Variants in SMG1 observed in about 807,000 individuals in gnomAD.
SMG1 encodes the protein SMG1 nonsense mediated mRNA decay associated PI3K related kinase.
In SMG1, 22 loss-of-function variants were observed where a neutral mutation model predicts 419.9. The ratio of observed to expected loss-of-function variants is 0.05; its 90% CI spans 0.04 to 0.07. The LOEUF (loss-of-function observed/expected upper bound fraction) is 0.07. Among genes scored for constraint, SMG1 ranks in the 10% least tolerant of loss-of-function variants. The probability of loss-of-function intolerance (pLI) is 1.00; values close to 1 mark genes in which losing one functional copy is unlikely to be tolerated. For missense variants in SMG1, 3,185 were observed against 4,342.0 expected (o/e 0.73, Z 7.49); for synonymous variants, 1,538 against 1,553.5 (o/e 0.99, Z 0.23).
chr16:18,872,093 A>G, intron 15 of SMG1, 91 bp downstream of exon 15: 1 of 779,360 alleles, frequency 1.3e-6, no homozygotes, highest in Non-Finnish European at 1.9e-6. Flanking sequence ...CACATTTTTA[A>G]AAATTTTTTG....
rs1217438305 is a variant in SMG1, at chr16:18,805,625, G to GA, written c.*3943dup. 9.9e-5 allele frequency: 15 copies of GA among 152,104 alleles called. No individual in the cohort carries two copies. The highest frequency in any genetic ancestry group is 2.6e-4 in the Admixed American group (4 of 15,278). The allele number at this position is 152,104 out of a possible 1,614,324, so 9.4% of individuals were successfully genotyped here. A position where few individuals can be genotyped will look rare whatever the true frequency, so the allele number is the denominator to read the frequency against. On this transcript the variant is annotated 3_prime_UTR_variant, in exon 63 of 63. Coordinates refer to ENST00000446231, the MANE Select transcript of SMG1 (RefSeq NM_015092.5). ...TGAATTTTCCCCTCCCCAACGTTTG[G>GA]AAAAAATTGGGACACTTGCTAGTTC...
intron 46 of SMG1, 72 bp from the exon 47 acceptor site, chr16:18,836,604 ATGTG>A: frequency 1.3e-6 from 2 of 1,509,706 alleles, no homozygotes; most frequent in South Asian, 2.4e-5. Flanking sequence ...CTACCCTGGA[ATGTG>A]CTCACACATG....
intron 25 of SMG1, chr16:18,861,511 C>A (rs1273042672): frequency 6.6e-6 from 1 of 151,992 alleles, no homozygotes; most frequent in Non-Finnish European, 1.5e-5. Context: ...CTTTGCCTGT[C>A]CCTCTCGCTG....
intron 1 of SMG1, among the ~76,000 whole-genome samples, chr16:18,914,694 A>G (rs899207944): frequency 6.6e-6 from 1 of 152,080 alleles, no homozygotes; most frequent in African/African-American, 2.4e-5. Flanking sequence ...AAATCTGTTG[A>G]TTCTGGAATA....
In SMG1 at chr16:18,896,800, G is replaced by A. The variant is rs544381798; in HGVS notation, c.249C>T (p.Asp83=). ...DTRVHADIQN[D]EKGGYSVNGG... ...ATAAGAAAATATATATACCCTTTTCGTCATTCTGTATGTCAGCGTGGACTC... is the reference window on the plus strand; with the variant it reads ...ATAAGAAAATATATATACCCTTTTCATCATTCTGTATGTCAGCGTGGACTC... Residue 83 remains aspartate, a synonymous_variant, in exon 2 of 63, where the codon GAC becomes GAT. Coordinates refer to ENST00000446231, the MANE Select transcript of SMG1 (RefSeq NM_015092.5). 28 of 1,602,962 alleles carry A rather than the reference G, an allele frequency of 1.7e-5. No homozygotes were observed. The highest frequency in any genetic ancestry group is 4.5e-5 in the East Asian group (2 of 44,838).
In SMG1 at chr16:18,848,318, C is replaced by CTT. The variant is rs34583374; in HGVS notation, c.5624-287_5624-286dup. ...CCAGAGTTCAAAACTTGGTATAATC[C>CTT]TTTTTTTTTTTTTTTTGGAAACAGG... On this transcript the variant is annotated intron_variant, in intron 36 of 62. Transcript: ENST00000446231. 1.7e-3 allele frequency among the ~76,000 whole-genome samples: 247 copies of CTT among 142,242 alleles called. 1 individual carries two copies. Among genetic ancestry groups the CTT allele is most frequent in the African/African-American group, 5.9e-3 (227 of 38,332 alleles). 93.3% of individuals were successfully genotyped at this position (142,242 alleles called of 152,430 possible).
chr16:18,866,391 T>C (rs902347333), intron 23 of SMG1: 45 of 565,100 alleles, frequency 8.0e-5, no homozygotes, highest in Non-Finnish European at 1.2e-4. Flanking sequence ...AACTGACAGG[T>C]CTTGTTTTAC....
rs995595548 is a variant in SMG1, at chr16:18,817,488, G to C, written c.9895-18C>G. Reference sequence around the variant, plus strand: ...AATGTGACCTGTAAAGACAGAAATGGAACCACAAGAGGAGATGGGAGGAAG... The same window carrying C: ...AATGTGACCTGTAAAGACAGAAATGCAACCACAAGAGGAGATGGGAGGAAG... On this transcript the variant is annotated intron_variant, in intron 56 of 62. Coordinates refer to ENST00000446231, the MANE Select transcript of SMG1 (RefSeq NM_015092.5). The C allele has an allele frequency of 1.9e-6, 3 of 1,549,024 alleles. No homozygotes were observed. The highest frequency in any genetic ancestry group is 2.6e-6 in the Non-Finnish European group (3 of 1,144,160).
intron 8 of SMG1, among the ~76,000 whole-genome samples, chr16:18,884,500 C>A (rs558851178): frequency 6.6e-6 from 1 of 152,250 alleles, no homozygotes; most frequent in South Asian, 2.1e-4. Flanking sequence ...AATCCCAGGG[C>A]CACATCTAAC....
chr16:18,850,295 C>A lies in SMG1; in HGVS notation c.5225G>T (p.Ser1742Ile). ...TGCACTGCAAGAGAGTTTGTACAGG[C>A]TGAATATTCTATCTACAACTTTCCT... The part of the protein sequence containing the change: ...VWRKVVDRIF[S>I]LYKLSCSAYF... The change falls in exon 34 of 63, where the codon AGC (serine) becomes ATC (isoleucine). Residue 1742 changes from serine to isoleucine, a missense_variant. Ser to Ile is a moderately radical substitution (Grantham distance 142). Transcript: ENST00000446231. 6.2e-7 allele frequency: 1 copy of A among 1,613,668 alleles called. No homozygotes were observed. The highest frequency in any genetic ancestry group is 8.5e-7 in the Non-Finnish European group (1 of 1,179,708).
At chr16:18,882,387 T>C (rs370392376) in intron 9 of SMG1, 49 bp from the exon 10 acceptor site, 1 of 714,506 alleles carries the variant, frequency 1.4e-6, no homozygotes, top group Non-Finnish European at 1.9e-6. Context: ...TTGTTTTAAA[T>C]AAAAAAAAAA....
intron 54 of SMG1, 25 bp from the exon 55 acceptor site, chr16:18,828,193 T>G: frequency 6.2e-7 from 1 of 1,607,572 alleles, no homozygotes; most frequent in South Asian, 1.1e-5. Flanking sequence ...AGAAATGTAT[T>G]AAAATCAGCA....
At position 18,859,062 on chromosome 16, in the gene SMG1, G is replaced by C. The variant is rs1301976540; in HGVS notation, c.4073C>G (p.Ser1358Cys). ...GTTAGAAACTGTGTTCTCCAAAGCA[G>C]ATGAGCAATACAGCTGCAAGGTACT... is the stretch of plus-strand genomic sequence containing the variant. Reference protein sequence around the residue: ...VLSTLQLYCSSALENTVSNRL... With the variant: ...VLSTLQLYCSCALENTVSNRL... The change falls in exon 28 of 63, where the codon TCT becomes TGT. Residue 1358 changes from serine to cysteine, a missense_variant. Physicochemically the swap from Ser to Cys is moderately radical, Grantham distance 112. Coordinates refer to ENST00000446231, the MANE Select transcript of SMG1 (RefSeq NM_015092.5). 6 of 1,534,360 alleles carry C rather than the reference G, an allele frequency of 3.9e-6. No individual in the cohort carries two copies. The highest frequency in any genetic ancestry group is 1.7e-6 in the Non-Finnish European group (2 of 1,145,966).
At chr16:18,884,760 G>GAA (rs2036547296) in intron 8 of SMG1, 1 of 220,732 alleles carries the variant, frequency 4.5e-6, no homozygotes. Context: ...AAAATTACCA[G>GAA]AAAAACAATA....
In SMG1 at chr16:18,834,287, C is replaced by A. The variant is rs191155973; in HGVS notation, c.8482G>T (p.Val2828Leu). The change falls in exon 50 of 63, where the codon GTG (valine) becomes TTG (leucine). Residue 2828 changes from valine (V) to leucine (L), a missense_variant. By Grantham distance (32) the Val-to-Leu change is conservative (BLOSUM62 1). This residue lies in a region of SMG1 where 412 missense variants were observed against 546.6 expected (regional missense o/e 0.75). Transcript: ENST00000446231. The part of the protein sequence containing the change: ...LVQLLKQCHL[V>L]PQDLDIPNPM... ...TTCGGGATATCTAAGTCCTGTGGCA[C>A]CAGGTGGCACTGCTTCAGTAACTGA... 1.4e-4 allele frequency: 226 copies of A among 1,611,708 alleles called. 2 individuals carry two copies. In the Middle Eastern group the frequency reaches 2.8e-3, roughly 20 times the overall value.
intron 6 of SMG1, 134 bp from the exon 7 acceptor site, chr16:18,885,800 TA>T (rs765730977): frequency 0.2 from 114,132 of 565,066 alleles, 21 homozygotes; most frequent in South Asian, 0.32. Flanking sequence ...TAGTTTTAGT[TA>T]AAAAAAAAAA....
In SMG1 at chr16:18,896,129, T is replaced by A. The variant is rs536592886; in HGVS notation, c.335A>T (p.Asn112Ile). ...KSLGQELRVN[N>I]VTSPEFTSVQ... ...ACTGGTGAACTCAGGGCTGGTCACATTGTTAACCCTCAGCTCTTGCCCCAA... is the reference window on the plus strand; with the variant it reads ...ACTGGTGAACTCAGGGCTGGTCACAATGTTAACCCTCAGCTCTTGCCCCAA... The change falls in exon 3 of 63, where the codon AAT becomes ATT. Residue 112 changes from asparagine (N) to isoleucine (I), a missense_variant. Asn to Ile is a moderately radical substitution (Grantham distance 149). Coordinates refer to ENST00000446231, the MANE Select transcript of SMG1 (RefSeq NM_015092.5). The A allele has an allele frequency of 6.3e-7, 1 of 1,586,748 alleles. No homozygotes were observed. The highest frequency in any genetic ancestry group is 2.2e-5 in the East Asian group (1 of 44,796).
At chr16:18,832,884 T>G (rs2033297786) in intron 51 of SMG1, 56 bp downstream of exon 51, 1 of 1,473,280 alleles carries the variant, frequency 6.8e-7, no homozygotes, top group Admixed American at 1.7e-5. Context: ...CAGAATCCCT[T>G]TCTCTGGCTG....
rs1191956460 is a variant in SMG1 at position 18,926,254 on chromosome 16, CGAG to C, written c.-216_-214del. On this transcript the variant is annotated 5_prime_UTR_variant, in exon 1 of 63. Coordinates refer to ENST00000446231, the MANE Select transcript of SMG1 (RefSeq NM_015092.5). Reference sequence around the variant, plus strand: ...TTCCGCCTGAGCCCGCAGCGCAGGACGAGGAGGCGGGAGCGGCGCGGTGAGAGA... The same window carrying C: ...TTCCGCCTGAGCCCGCAGCGCAGGACGAGGCGGGAGCGGCGCGGTGAGAGA... The C allele has an allele frequency of 1.1e-5, 6 of 536,820 alleles. 1 individual carries two copies. The highest frequency in any genetic ancestry group is 4.7e-5 in the South Asian group (2 of 42,200). The allele number at this position is 536,820 out of a possible 1,614,324, so 33.3% of individuals were successfully genotyped here.
Sources: allele counts gnomAD v4.1 joint callset (sites outside exome capture counted in the v4.1 genomes callset), GRCh38; gene constraint gnomAD v4.1.1; regional missense constraint gnomAD v4.1.1; transcripts MANE v1.5; gene names NCBI Gene and HGNC (gene_info 2026-07-23, HGNC 2026-07-21).